Variants in DFFB observed in about 807,000 individuals in gnomAD.
DFFB encodes the protein DNA fragmentation factor subunit beta, also known as DNA fragmentation factor 40 kDa subunit.
In DFFB, 29 loss-of-function variants were observed where a neutral mutation model predicts 32.7. The observed-to-expected ratio is 0.89, with a 90% CI of 0.66 to 1.21. The LOEUF (loss-of-function observed/expected upper bound fraction) is 1.21. DFFB is among the 50% of genes most tolerant of loss of function. DFFB has a pLI of 0.00. For missense variants in DFFB, 398 were observed against 440.6 expected (o/e 0.90, Z 0.87); for synonymous variants, 170 against 177.1 (o/e 0.96, Z 0.32).
chr1:3,866,041 G>A, intron 3 of DFFB, 41 bp downstream of exon 3: 1 of 1,474,674 alleles, frequency 6.8e-7, no homozygotes, highest in Non-Finnish European at 9.1e-7. Context: ...GGCTTCTTTG[G>A]AGCCTGAGGT....
rs1413158632 is a variant in DFFB at position 3,867,992 on chromosome 1, A to T, written c.449A>T (p.Gln150Leu). 6.2e-7 allele frequency: 1 copy of T among 1,614,046 alleles called. No individual in the cohort carries two copies. The highest frequency in any genetic ancestry group is 2.2e-5 in the East Asian group (1 of 44,882). The change falls in exon 4 of 7, where the codon CAG becomes CTG. Residue 150 changes from glutamine to leucine, a missense_variant. Gln to Leu is a moderately radical substitution (Grantham distance 113). Coordinates refer to ENST00000378209, the MANE Select transcript of DFFB (RefSeq NM_004402.4). ...CTTGCAGGCTTGGAGTCCCGATTTC[A>T]GAGCAAGTCTGGCTATCTGAGATAC... ...PWFEGLESRF[Q>L]SKSGYLRYSC...
intron 2 of DFFB, among the ~76,000 whole-genome samples, chr1:3,863,827 T>C (rs1570900580): frequency 6.6e-6 from 1 of 151,602 alleles, no homozygotes; most frequent in South Asian, 2.1e-4. Context: ...GGGTTGGGGG[T>C]AGGGTAGAGG....
intron 6 of DFFB, among the ~76,000 whole-genome samples, chr1:3,878,609 C>T (rs1465675866): frequency 6.6e-6 from 1 of 152,184 alleles, no homozygotes; most frequent in African/African-American, 2.4e-5. Context: ...TTTCCCTTGC[C>T]CATCACCCCA....
At chr1:3,874,125 G>A (rs1645175015) in intron 6 of DFFB, among the ~76,000 whole-genome samples, 1 of 151,504 alleles carries the variant, frequency 6.6e-6, no homozygotes, top group Non-Finnish European at 1.5e-5. Flanking sequence ...GCAGAGCCGT[G>A]TAGCTGCACC....
Position 3,880,641 on chromosome 1 carries a change from G to A in DFFB, c.783-2866G>A, listed in dbSNP as rs534887834. On this transcript the variant is annotated intron_variant, in intron 6 of 6. Transcript: ENST00000378209. ...CTCGCTTCAGTGGGAAGTGCTTCCC[G>A]TAGGCCTCCTCTGTGCTCCAGTGTG... Among the ~76,000 whole-genome samples, 49 of 152,254 alleles carry A rather than the reference G, an allele frequency of 3.2e-4. 2 individuals are homozygous for A. The East Asian group carries it at 7.7e-3, about 24-fold the overall frequency.
At chr1:3,881,480 C>G (rs12083810) in intron 6 of DFFB, among the ~76,000 whole-genome samples, 1,528 of 152,338 alleles carry the variant, frequency 0.01, 28 homozygotes, top group African/African-American at 0.035. Flanking sequence ...GACTGGAACC[C>G]TGGTAGGCCC....
At chr1:3,880,506 G>A (rs1477942694) in intron 6 of DFFB, among the ~76,000 whole-genome samples, 2 of 152,226 alleles carry the variant, frequency 1.3e-5, no homozygotes, top group Admixed American at 1.3e-4. Context: ...GGGTCCTTGT[G>A]GACTGTGCTG....
At position 3,861,460 on chromosome 1, in the gene DFFB, A is replaced by G. The variant is rs532959009; in HGVS notation, c.241+2616A>G. On this transcript the variant is annotated intron_variant, in intron 2 of 6. Coordinates refer to ENST00000378209, the MANE Select transcript of DFFB (RefSeq NM_004402.4). The stretch of plus-strand genomic sequence containing the variant: ...TTGTTTTCTTTTGAGACAGGGTCTC[A>G]CCCTGTCGCCCAGGCTGGAGTGCAG... Among the ~76,000 whole-genome samples, 4 of 152,046 alleles carry G rather than the reference A, an allele frequency of 2.6e-5. No individual in the cohort carries two copies. The South Asian group carries it at 8.3e-4, about 32-fold the overall frequency.
intron 6 of DFFB, among the ~76,000 whole-genome samples, chr1:3,882,642 G>A (rs1013634018): frequency 1.6e-4 from 24 of 152,186 alleles, no homozygotes; most frequent in African/African-American, 5.3e-4. Context: ...TGGGATTACA[G>A]GTGTGAGCCA....
rs12039666 is a variant in DFFB at position 3,881,400 on chromosome 1, C to T, written c.783-2107C>T. The stretch of plus-strand genomic sequence containing the variant: ...GCTCCACTCAAGCTTTTCTATCCCC[C>T]TTAATGGCTATGGCAGGGGTCTCGG... On this transcript the variant is annotated intron_variant, in intron 6 of 6. Transcript: ENST00000378209. Among the ~76,000 whole-genome samples the T allele has an allele frequency of 0.012, 1,816 of 152,330 alleles. 83 individuals carry two copies. The East Asian group carries it at 0.15, about 13-fold the overall frequency.
At position 3,869,662 on chromosome 1, in the gene DFFB, C is replaced by T. The variant is rs776360511; in HGVS notation, c.568C>T (p.Leu190Phe). The T allele has an allele frequency of 6.2e-7, 1 of 1,613,570 alleles. No individual in the cohort carries two copies. Among genetic ancestry groups the T allele is most frequent in the Non-Finnish European group, 8.5e-7 (1 of 1,179,860 alleles). Residue 190 changes from leucine (L) to phenylalanine (F), a missense_variant, in exon 5 of 7, where the codon CTC becomes TTC. Coordinates refer to ENST00000378209, the MANE Select transcript of DFFB (RefSeq NM_004402.4). ...AEAQEEFLRV[L>F]GSMCQRLRSM... ...GGCTCAGGAGGAATTCCTGCGGGTC[C>T]TCGGCTCCATGTGCCAGAGGCTCCG...
intron 3 of DFFB, 166 bp from the exon 4 acceptor site, chr1:3,867,808 G>A (rs999439877): frequency 2.2e-5 from 15 of 670,750 alleles, no homozygotes; most frequent in Admixed American, 9.3e-5. Flanking sequence ...AGCTGTGTTC[G>A]TGCCACTGTA....
chr1:3,872,292 A>C (rs1196307851), intron 5 of DFFB, among the ~76,000 whole-genome samples, 180 bp from the exon 6 acceptor site: 1 of 152,078 alleles, frequency 6.6e-6, no homozygotes, highest in Non-Finnish European at 1.5e-5. Context: ...GGGCACCTGT[A>C]GTCCCAGCTA....
At position 3,858,734 on chromosome 1, in the gene DFFB, C is replaced by G. The variant is rs773056030; in HGVS notation, c.131C>G (p.Ser44Cys). The G allele has an allele frequency of 1.2e-6, 2 of 1,614,098 alleles. No individual in the cohort carries two copies. The highest frequency in any genetic ancestry group is 1.7e-5 in the Admixed American group (1 of 60,024). Residue 44 changes from serine (S) to cysteine (C), a missense_variant, in exon 2 of 7, where the codon TCC becomes TGC. By Grantham distance (112) the Ser-to-Cys change is moderately radical. Coordinates refer to ENST00000378209, the MANE Select transcript of DFFB (RefSeq NM_004402.4). ...TCCCTGCAGCTCCCTGAGCGCGGTT[C>G]CCGGCTGTGCCTGTACGAGGATGGC... ...CLRFQLPERG[S>C]RLCLYEDGTE...
Position 3,863,637 on chromosome 1 carries a change from A to G in DFFB, c.242-2175A>G, listed in dbSNP as rs1003386432. Among the ~76,000 whole-genome samples, 3 of 152,224 alleles carry G rather than the reference A, an allele frequency of 2.0e-5. No homozygotes were observed. The East Asian group carries it at 5.8e-4, about 29-fold the overall frequency. On this transcript the variant is annotated intron_variant, in intron 2 of 6. Transcript: ENST00000378209. ...TCTCCAATGATGAACACTTGGATCA[A>G]TAGAGTGTGGCACATCCATACAATG...
At chr1:3,873,929 T>C (rs1473002701) in intron 6 of DFFB, among the ~76,000 whole-genome samples, 1 of 152,228 alleles carries the variant, frequency 6.6e-6, no homozygotes, top group Non-Finnish European at 1.5e-5. Context: ...GAGATTTTTT[T>C]TTAAAGTATG....
intron 6 of DFFB, among the ~76,000 whole-genome samples, chr1:3,880,831 A>G (rs12725173): frequency 0.18 from 27,286 of 152,076 alleles, 2,493 homozygotes; most frequent in African/African-American, 0.21. Context: ...CCCCTTCAGC[A>G]TGGCTCTTCG....
intron 2 of DFFB, among the ~76,000 whole-genome samples, chr1:3,859,837 A>T (rs1319413674): frequency 1.3e-5 from 2 of 152,140 alleles, no homozygotes. Context: ...TGCTCAGGGT[A>T]TGCCTCACCT....
At chr1:3,872,049 T>C (rs1340878622) in intron 5 of DFFB, among the ~76,000 whole-genome samples, 1 of 152,178 alleles carries the variant, frequency 6.6e-6, no homozygotes, top group African/African-American at 2.4e-5. Context: ...ACACTAGTGC[T>C]GACATTTCAA....
Sources: allele counts gnomAD v4.1 joint callset (sites outside exome capture counted in the v4.1 genomes callset), GRCh38; gene constraint gnomAD v4.1.1; transcripts MANE v1.5; gene names NCBI Gene and HGNC (gene_info 2026-07-23, HGNC 2026-07-21).